Variants in TYMS observed in about 807,000 individuals in gnomAD.
TYMS encodes thymidylate synthetase.
Under a neutral mutation model 39.3 loss-of-function variants are expected in TYMS, and 21 were observed. The observed-to-expected ratio is 0.54, with a 90% CI of 0.38 to 0.77. The LOEUF (loss-of-function observed/expected upper bound fraction) is 0.77, where lower values mean the gene tolerates loss of function less well. Ranked by LOEUF, TYMS falls within the 30% of genes least tolerant of loss-of-function variation. The pLI is 0.00. For synonymous variants in TYMS, 171 were observed against 162.2 expected (o/e 1.05, Z -0.41); for missense variants, 273 against 406.7 (o/e 0.67, Z 2.83).
chr18:664,456 T>C (rs1258441700), intron 3 of TYMS, among the ~76,000 whole-genome samples: 1 of 144,230 alleles, frequency 6.9e-6, no homozygotes, highest in Non-Finnish European at 1.5e-5. Flanking sequence ...AATCATGTCG[T>C]CTGCAAACAG....
In TYMS at chr18:658,198, C is replaced by T. The variant is rs1481086807; in HGVS notation, c.205+251C>T. ...AGCCGCGTCCCAGCGGCTCCGCGGC[C>T]GGGCTCGCAGTCGCCCCAGTGATGC... On this transcript the variant is annotated intron_variant, in intron 1 of 6. Coordinates refer to ENST00000323274, the MANE Select transcript of TYMS (RefSeq NM_001071.4). The surrounding 1 kb of genome is among the most constrained non-coding windows in gnomAD (Gnocchi z 4.5). 2 of 1,535,756 alleles carry T rather than the reference C, an allele frequency of 1.3e-6. No homozygotes were observed. The highest frequency in any genetic ancestry group is 1.8e-6 in the Non-Finnish European group (2 of 1,137,410).
chr18:672,471 T>C (rs375466120), intron 6 of TYMS: 1 of 160,352 alleles, frequency 6.2e-6, no homozygotes, highest in African/African-American at 2.4e-5. Flanking sequence ...TGTCCATGCA[T>C]GTCATCTTTC....
At chr18:671,702 T>G in intron 6 of TYMS, 1 of 512,430 alleles carries the variant, frequency 2.0e-6, no homozygotes, top group Non-Finnish European at 3.4e-6. Context: ...AGAGCCACAT[T>G]CAAGCCAGGG....
chr18:669,221 G>C, intron 4 of TYMS, 48 bp downstream of exon 4: 1 of 1,550,108 alleles, frequency 6.5e-7, no homozygotes. Flanking sequence ...TACTCTTAGA[G>C]GGAAGCAATC....
At chr18:659,860 T>C in intron 2 of TYMS, 146 bp downstream of exon 2, 2 of 729,536 alleles carry the variant, frequency 2.7e-6, no homozygotes, top group East Asian at 2.5e-5. Context: ...TCACCTGAGG[T>C]TAGGAATTTG....
At position 658,164 on chromosome 18, in the gene TYMS, C is replaced by T. The variant is rs760573111; in HGVS notation, c.205+217C>T. On this transcript the variant is annotated intron_variant, in intron 1 of 6. Coordinates refer to ENST00000323274, the MANE Select transcript of TYMS (RefSeq NM_001071.4). This position sits in a 1 kb window ranked among gnomAD's most constrained non-coding sequence, Gnocchi z 4.5. Reference sequence around the variant, plus strand: ...GGGCAACACACACAGCAGCGACAGCCGGGAGGTAAGCCGCGTCCCAGCGGC... The same window carrying T: ...GGGCAACACACACAGCAGCGACAGCTGGGAGGTAAGCCGCGTCCCAGCGGC... The T allele has an allele frequency of 1.5e-4, 236 of 1,573,884 alleles. No individual in the cohort carries two copies. The highest frequency in any genetic ancestry group is 6.6e-4 in the Middle Eastern group (4 of 6,016).
In TYMS at chr18:672,886, A is replaced by G. The variant is rs1197848981; in HGVS notation, c.831A>G (p.Pro277=). The part of the protein sequence containing the change: ...IQLQREPRPF[P]KLRILRKVEK... Reference sequence around the variant, plus strand: ...TTCAGCGAGAACCCAGACCTTTCCCAAAGCTCAGGATTCTTCGAAAAGTTG... The same window carrying G: ...TTCAGCGAGAACCCAGACCTTTCCCGAAGCTCAGGATTCTTCGAAAAGTTG... Residue 277 remains proline (P), a synonymous_variant, in exon 7 of 7, where the codon CCA becomes CCG. Coordinates refer to ENST00000323274, the MANE Select transcript of TYMS (RefSeq NM_001071.4). 2 of 1,586,244 alleles carry G rather than the reference A, an allele frequency of 1.3e-6. No homozygotes were observed. Among genetic ancestry groups the G allele is most frequent in the African/African-American group, 2.7e-5 (2 of 74,596 alleles).
chr18:661,820 T>C (rs540622627), intron 2 of TYMS, among the ~76,000 whole-genome samples: 4 of 152,292 alleles, frequency 2.6e-5, no homozygotes, highest in African/African-American at 9.6e-5. Context: ...ACACTGTCTC[T>C]ACTAAAAATA....
chr18:672,903 G>A lies in TYMS; in HGVS notation c.848G>A (p.Arg283Gln), dbSNP rs2075133391. The A allele has an allele frequency of 3.1e-6, 5 of 1,597,840 alleles. No homozygotes were observed. Among genetic ancestry groups the A allele is most frequent in the Middle Eastern group, 1.7e-4 (1 of 6,024 alleles). ...PRPFPKLRIL[R>Q]KVEKIDDFKA... Reference sequence around the variant, plus strand: ...CCTTTCCCAAAGCTCAGGATTCTTCGAAAAGTTGAGAAAATTGATGACTTC... The same window carrying A: ...CCTTTCCCAAAGCTCAGGATTCTTCAAAAAGTTGAGAAAATTGATGACTTC... The change falls in exon 7 of 7, where the codon CGA becomes CAA. Residue 283 changes from arginine (R) to glutamine (Q), a missense_variant. Physicochemically the swap from Arg to Gln is conservative, Grantham distance 43 (BLOSUM62 1). Coordinates refer to ENST00000323274, the MANE Select transcript of TYMS (RefSeq NM_001071.4).
At chr18:670,636 T>C in intron 4 of TYMS, 56 bp from the exon 5 acceptor site, 3 of 1,589,398 alleles carry the variant, frequency 1.9e-6, no homozygotes, top group Non-Finnish European at 2.6e-6. Flanking sequence ...ACTTTGCCTT[T>C]AGCTGTGGTC....
In TYMS at chr18:667,059, A is replaced by T. The variant is rs147548807; in HGVS notation, c.455-2013A>T. Among the ~76,000 whole-genome samples, 30 of 18,508 alleles carry T rather than the reference A, an allele frequency of 1.6e-3. 1 individual carries two copies. The highest frequency in any genetic ancestry group is 3.7e-3 in the South Asian group (2 of 544). The allele number at this position is 18,508 out of a possible 152,430, so 12.1% of individuals were successfully genotyped here. Reference sequence around the variant, plus strand: ...GAGATGGTGATGGTGATGGAGATGGAGATGGTGATGGTGATGGAGATGGTG... The same window carrying T: ...GAGATGGTGATGGTGATGGAGATGGTGATGGTGATGGTGATGGAGATGGTG... On this transcript the variant is annotated intron_variant, in intron 3 of 6. Coordinates refer to ENST00000323274, the MANE Select transcript of TYMS (RefSeq NM_001071.4).
chr18:658,170 G>T lies in TYMS; in HGVS notation c.205+223G>T, dbSNP rs28602966. On this transcript the variant is annotated intron_variant, in intron 1 of 6. Transcript: ENST00000323274. This position sits in a 1 kb window ranked among gnomAD's most constrained non-coding sequence, Gnocchi z 4.5. ...CACACACAGCAGCGACAGCCGGGAG[G>T]TAAGCCGCGTCCCAGCGGCTCCGCG... The T allele has an allele frequency of 0.035, 54,584 of 1,567,480 alleles. 1,114 individuals are homozygous for T. The highest frequency in any genetic ancestry group is 0.039 in the Non-Finnish European group (45,333 of 1,157,514).
chr18:668,404 G>C (rs921318368), intron 3 of TYMS, among the ~76,000 whole-genome samples: 3 of 152,202 alleles, frequency 2.0e-5, no homozygotes, highest in African/African-American at 7.2e-5. Flanking sequence ...TCAGCTTCCA[G>C]TTCCATCTCA....
chr18:670,839 A>T lies in TYMS; in HGVS notation c.704A>T (p.Tyr235Phe), dbSNP rs1374898824. Residue 235 changes from tyrosine (Y) to phenylalanine (F), a missense_variant, in exon 5 of 7, where the codon TAC becomes TTC. Physicochemically the swap from Tyr to Phe is conservative, Grantham distance 22. This residue lies in a region of TYMS where 228 missense variants were observed against 326.1 expected (regional missense o/e 0.70). Transcript: ENST00000323274. ...ATCGCCAGCTACGCCCTGCTCACGT[A>T]CATGATTGCGCACATCACGGGCCTG... Reference protein sequence around the residue: ...FNIASYALLTYMIAHITGLKP... With the variant: ...FNIASYALLTFMIAHITGLKP... 6.2e-7 allele frequency: 1 copy of T among 1,613,998 alleles called. No homozygotes were observed.
In TYMS at chr18:657,966, G is replaced by A. The variant is rs751262220; in HGVS notation, c.205+19G>A. On this transcript the variant is annotated intron_variant, in intron 1 of 6. Coordinates refer to ENST00000323274, the MANE Select transcript of TYMS (RefSeq NM_001071.4). Reference sequence around the variant, plus strand: ...CTGAGAGGTGACGCCGCGGGCCCCTGCGGGACGGGTGGCGGGAAGGAGGGA... The same window carrying A: ...CTGAGAGGTGACGCCGCGGGCCCCTACGGGACGGGTGGCGGGAAGGAGGGA... 1.7e-5 allele frequency: 26 copies of A among 1,508,948 alleles called. No individual in the cohort carries two copies. Among genetic ancestry groups the A allele is most frequent in the Non-Finnish European group, 2.0e-5 (23 of 1,132,976 alleles). The allele number at this position is 1,508,948 out of a possible 1,614,324, so 93.5% of individuals were successfully genotyped here.
At chr18:670,534 G>A (rs1180546628) in intron 4 of TYMS, 158 bp from the exon 5 acceptor site, 7 of 700,158 alleles carry the variant, frequency 1.0e-5, no homozygotes, top group East Asian at 5.3e-5. Context: ...CCGTGCCATC[G>A]CTGCAGAGGC....
chr18:666,241 C>T (rs888572440), intron 3 of TYMS, among the ~76,000 whole-genome samples: 3 of 151,248 alleles, frequency 2.0e-5, no homozygotes, highest in African/African-American at 7.3e-5. Context: ...GGTTGGTGTT[C>T]GTGCTGGGGA....
At position 659,726 on chromosome 18, in the gene TYMS, G is replaced by A. The variant is rs200777349; in HGVS notation, c.279+12G>A. ...TGTGGTTTATCAAGGTAAAGAAGTCGCTGCTATTAGAAGTCAGTAGTCTGT... is the reference window on the plus strand; with the variant it reads ...TGTGGTTTATCAAGGTAAAGAAGTCACTGCTATTAGAAGTCAGTAGTCTGT... On this transcript the variant is annotated intron_variant, in intron 2 of 6. Transcript: ENST00000323274. 77 of 1,608,542 alleles carry A rather than the reference G, an allele frequency of 4.8e-5. No individual in the cohort carries two copies. In the African/African-American group the frequency reaches 6.8e-4, roughly 14 times the overall value.
Position 668,305 on chromosome 18 carries a change from A to T in TYMS, c.455-767A>T, listed in dbSNP as rs186872347. On this transcript the variant is annotated intron_variant, in intron 3 of 6. Coordinates refer to ENST00000323274, the MANE Select transcript of TYMS (RefSeq NM_001071.4). ...CTTTCCTCCCAAAATTTTGAGAACTACTGAACCAGAATATAGTCTGACACT... is the reference window on the plus strand; with the variant it reads ...CTTTCCTCCCAAAATTTTGAGAACTTCTGAACCAGAATATAGTCTGACACT... Among the ~76,000 whole-genome samples, 190 of 152,298 alleles carry T rather than the reference A, an allele frequency of 1.2e-3. 1 individual carries two copies. Among genetic ancestry groups the T allele is most frequent in the African/African-American group, 4.5e-3 (186 of 41,554 alleles).
Sources: gnomAD v4.1 joint callset for allele counts (sites outside exome capture counted in the v4.1 genomes callset) on GRCh38, gnomAD v4.1.1 for gene constraint, gnomAD v4.1.1 regional missense constraint, Gnocchi (gnomAD v3.1) non-coding constraint, MANE v1.5 for transcripts, NCBI Gene and HGNC (gene_info 2026-07-23, HGNC 2026-07-21) for gene names.